MYO1B: variants seen among roughly 807,000 people sequenced by gnomAD.
MYO1B encodes unconventional myosin-Ib.
MYO1B carries 72 observed loss-of-function variants against 159.7 expected under a neutral mutation model. That is an observed-to-expected ratio of 0.45 (90% CI 0.37 to 0.55). The LOEUF (loss-of-function observed/expected upper bound fraction) is 0.55. Ranked by LOEUF, MYO1B falls within the 20% of genes least tolerant of loss-of-function variation. The probability of loss-of-function intolerance (pLI) is 0.00; values close to 1 mark genes in which losing one functional copy is unlikely to be tolerated. For synonymous variants in MYO1B, 468 were observed against 473.8 expected (o/e 0.99, Z 0.16); for missense variants, 1,062 against 1,364.8 (o/e 0.78, Z 3.50).
chr2:191,375,987 T>A (rs2126056267), intron 13 of MYO1B, among the ~76,000 whole-genome samples: 1 of 151,848 alleles, frequency 6.6e-6, no homozygotes, highest in East Asian at 1.9e-4. Context: ...CAAACTTAAA[T>A]GTGTGGAATA....
chr2:191,379,059 C>T (rs1694890260), intron 13 of MYO1B, among the ~76,000 whole-genome samples: 1 of 152,186 alleles, frequency 6.6e-6, no homozygotes, highest in African/African-American at 2.4e-5. Flanking sequence ...ACAGTTCAGA[C>T]ACCACAGGAA....
In MYO1B at chr2:191,324,090, G is replaced by A. The variant is rs367739826; in HGVS notation, c.252-5845G>A. ...AAAAAAAATAAGTTGTTGTTGTATG[G>A]TATGTCTTTTTCTATTTTATTTCCT... On this transcript the variant is annotated intron_variant, in intron 3 of 30. Coordinates refer to ENST00000392318, the MANE Select transcript of MYO1B (RefSeq NM_001130158.3). Among the ~76,000 whole-genome samples the A allele has an allele frequency of 6.5e-4, 99 of 152,006 alleles. 1 individual carries two copies. In the East Asian group the frequency reaches 0.013, roughly 20 times the overall value.
At chr2:191,377,945 G>A (rs1694810785) in intron 13 of MYO1B, 1 of 152,238 alleles carries the variant, frequency 6.6e-6, no homozygotes. Flanking sequence ...GCTGATTTCT[G>A]TGGGGAAGTA....
chr2:191,346,139 T>C, intron 5 of MYO1B, 97 bp from the exon 6 acceptor site: 1 of 931,940 alleles, frequency 1.1e-6, no homozygotes, highest in Non-Finnish European at 1.6e-6. Context: ...AGTTGTATTT[T>C]CCAGAAATCA....
intron 1 of MYO1B, among the ~76,000 whole-genome samples, chr2:191,264,535 C>T (rs771296446): frequency 7.9e-5 from 12 of 151,722 alleles, no homozygotes; most frequent in Non-Finnish European, 1.5e-4. Flanking sequence ...TAGCCAGTTC[C>T]ATTTTGTAGC....
chr2:191,274,930 CAG>C (rs1253876081), intron 1 of MYO1B, among the ~76,000 whole-genome samples: 1 of 151,816 alleles, frequency 6.6e-6, no homozygotes, highest in Non-Finnish European at 1.5e-5. Flanking sequence ...TTTTTTGAGA[CAG>C]AGTCTCACTC....
At chr2:191,373,209 GTGGT>G (rs1261494007) in intron 13 of MYO1B, among the ~76,000 whole-genome samples, 2 of 152,148 alleles carry the variant, frequency 1.3e-5, no homozygotes, top group African/African-American at 4.8e-5. Context: ...CTCTATTTCA[GTGGT>G]TCTCAAATGG....
chr2:191,322,850 CCA>C (rs1690815126), intron 3 of MYO1B, among the ~76,000 whole-genome samples: 1 of 151,988 alleles, frequency 6.6e-6, no homozygotes, highest in African/African-American at 2.4e-5. Flanking sequence ...TGGGGTGAGA[CCA>C]CAGAGTAAAG....
At chr2:191,314,954 A>AT (rs900463641) in intron 3 of MYO1B, among the ~76,000 whole-genome samples, 4 of 152,092 alleles carry the variant, frequency 2.6e-5, no homozygotes, top group African/African-American at 7.2e-5. Flanking sequence ...TAAATTGTAG[A>AT]TTTTTTATTC....
intron 24 of MYO1B, among the ~76,000 whole-genome samples, chr2:191,405,892 C>T (rs1696888533): frequency 6.6e-6 from 1 of 152,246 alleles, no homozygotes; most frequent in Non-Finnish European, 1.5e-5. Flanking sequence ...AAGTTAGCAG[C>T]TGTATTATTC....
intron 7 of MYO1B, among the ~76,000 whole-genome samples, chr2:191,352,419 C>T (rs1471932368): frequency 3.3e-5 from 5 of 152,100 alleles, no homozygotes; most frequent in Admixed American, 3.3e-4. Flanking sequence ...ATCAATATTA[C>T]TCGAGGATTT....
intron 3 of MYO1B, among the ~76,000 whole-genome samples, chr2:191,300,639 C>CCTTTTTTTTTTTTT (rs10525272): frequency 3.0e-5 from 2 of 66,912 alleles, no homozygotes; most frequent in Non-Finnish European, 5.1e-5. Context: ...TGTGCGCAGC[C>CCTTTTTTTTTTTTT]TTTTTTTTTT....
At chr2:191,306,414 G>C (rs1689655007) in intron 3 of MYO1B, among the ~76,000 whole-genome samples, 1 of 152,152 alleles carries the variant, frequency 6.6e-6, no homozygotes, top group Admixed American at 6.5e-5. Context: ...ATGGGCAGAT[G>C]AGGTAGAAGA....
chr2:191,400,374 C>T lies in MYO1B; in HGVS notation c.2296-8C>T. ...ACATTCTCTCTTTTGGGTGATTCTG[C>T]CCTTTAGGCTCGAAAAATTCTGCGG... On this transcript the variant is annotated splice_polypyrimidine_tract_variant and splice_region_variant and intron_variant, in intron 21 of 30. Transcript: ENST00000392318. 1 of 1,613,884 alleles carries T rather than the reference C, an allele frequency of 6.2e-7. No homozygotes were observed. Among genetic ancestry groups the T allele is most frequent in the Non-Finnish European group, 8.5e-7 (1 of 1,179,902 alleles).
intron 27 of MYO1B, among the ~76,000 whole-genome samples, chr2:191,412,016 C>T (rs1265426609): frequency 6.6e-6 from 1 of 152,190 alleles, no homozygotes; most frequent in Non-Finnish European, 1.5e-5. Context: ...TTCTCTGTGA[C>T]TTTATACACA....
At chr2:191,381,378 C>T (rs756268314) in intron 13 of MYO1B, 84 bp from the exon 14 acceptor site, 151 of 975,092 alleles carry the variant, frequency 1.5e-4, no homozygotes, top group Non-Finnish European at 2.3e-4. Flanking sequence ...TGGCATTTCT[C>T]ATGGATTGAG....
chr2:191,347,583 T>C (rs1692648806), intron 6 of MYO1B, among the ~76,000 whole-genome samples: 1 of 152,250 alleles, frequency 6.6e-6, no homozygotes, highest in Non-Finnish European at 1.5e-5. Flanking sequence ...TACTCAGTGA[T>C]ATTTGAAATC....
chr2:191,248,638 A>G (rs1287603500), intron 1 of MYO1B, among the ~76,000 whole-genome samples: 22 of 152,180 alleles, frequency 1.4e-4, no homozygotes, highest in Admixed American at 1.4e-3. Context: ...TATGATTTCC[A>G]CTGAATGCCT....
At chr2:191,293,946 T>C (rs1574358046) in intron 2 of MYO1B, among the ~76,000 whole-genome samples, 1 of 152,216 alleles carries the variant, frequency 6.6e-6, no homozygotes. Flanking sequence ...TTTGATCTTA[T>C]ATTTCAATGC....
Sources: allele counts gnomAD v4.1 joint callset (sites outside exome capture counted in the v4.1 genomes callset), GRCh38; gene constraint gnomAD v4.1.1; transcripts MANE v1.5; gene names NCBI Gene and HGNC (gene_info 2026-07-23, HGNC 2026-07-21).